GABRB1: variants seen among roughly 807,000 people sequenced by gnomAD.
GABRB1 encodes the protein gamma-aminobutyric acid receptor subunit beta-1.
Under a neutral mutation model 51.6 loss-of-function variants are expected in GABRB1, and 17 were observed. The observed-to-expected ratio is 0.33, with a 90% confidence interval of 0.23 to 0.49. GABRB1 has a LOEUF of 0.49. Among genes scored for constraint, GABRB1 ranks in the 20% least tolerant of loss-of-function variants. The probability of loss-of-function intolerance (pLI) is 0.99; values close to 1 mark genes in which losing one functional copy is unlikely to be tolerated. For synonymous variants in GABRB1, 247 were observed against 218.9 expected, an observed-to-expected ratio of 1.13 and a Z score of -1.14; for missense variants, 410 against 600.6, an observed-to-expected ratio of 0.68 and a Z score of 3.32.
At chr4:47,184,201 ACT>A (rs1479600148) in intron 4 of GABRB1, among the ~76,000 whole-genome samples, 2 of 151,800 alleles carry the variant, frequency 1.3e-5, no homozygotes, top group Admixed American at 6.6e-5. Context: ...TCTGTCTATA[ACT>A]CTGCCAGTCT....
chr4:47,277,911 T>C (rs1723146793), intron 4 of GABRB1, among the ~76,000 whole-genome samples: 1 of 152,112 alleles, frequency 6.6e-6, no homozygotes, highest in Non-Finnish European at 1.5e-5. Flanking sequence ...TTTTCCTTTG[T>C]AATCCTTTCT....
chr4:47,147,441 C>T (rs1232079291), intron 3 of GABRB1, among the ~76,000 whole-genome samples: 2 of 152,064 alleles, frequency 1.3e-5, no homozygotes, highest in Non-Finnish European at 2.9e-5. Context: ...CATTTATTGA[C>T]TTATTCAGCA....
intron 3 of GABRB1, among the ~76,000 whole-genome samples, chr4:47,076,485 C>G (rs906510142): frequency 6.6e-6 from 1 of 152,164 alleles, no homozygotes; most frequent in Non-Finnish European, 1.5e-5. Context: ...GGTGGCCAGA[C>G]CAGATCTCCT....
chr4:47,161,407 G>T lies in GABRB1; in HGVS notation c.399G>T (p.Gly133=), dbSNP rs765889713. The T allele has an allele frequency of 6.2e-7, 1 of 1,612,592 alleles. No homozygotes were observed. The highest frequency in any genetic ancestry group is 8.5e-7 in the Non-Finnish European group (1 of 1,179,148). ...FLNDKKSFVH[G]VTVKNRMIRL... ...ATGACAAGAAATCATTTGTGCATGG[G>T]GTCACAGTGAAAAATCGAATGATTC... The change falls in exon 4 of 9, where the codon GGG becomes GGT. Residue 133 remains glycine, a synonymous_variant. Transcript: ENST00000295454.
chr4:47,041,954 G>A (rs763581858), intron 3 of GABRB1, among the ~76,000 whole-genome samples: 1 of 151,898 alleles, frequency 6.6e-6, no homozygotes, highest in Non-Finnish European at 1.5e-5. Context: ...AATTATACTG[G>A]AGAAAGAATA....
At chr4:47,268,446 T>C (rs1173253733) in intron 4 of GABRB1, among the ~76,000 whole-genome samples, 1 of 152,208 alleles carries the variant, frequency 6.6e-6, no homozygotes, top group Non-Finnish European at 1.5e-5. Context: ...AGGGGATGCT[T>C]TATTTCCTTA....
intron 3 of GABRB1, among the ~76,000 whole-genome samples, chr4:47,106,370 T>C (rs928693193): frequency 2.0e-5 from 3 of 152,026 alleles, no homozygotes; most frequent in Non-Finnish European, 2.9e-5. Flanking sequence ...CATGCCCATC[T>C]TTAACAACAG....
chr4:47,132,270 ATG>A (rs1299024342), intron 3 of GABRB1, among the ~76,000 whole-genome samples: 1 of 152,028 alleles, frequency 6.6e-6, no homozygotes, highest in Non-Finnish European at 1.5e-5. Flanking sequence ...TTTTCTATTG[ATG>A]TGAGAGATAC....
chr4:47,370,020 C>T (rs563364433), intron 5 of GABRB1, among the ~76,000 whole-genome samples: 227 of 151,696 alleles, frequency 1.5e-3, no homozygotes, highest in African/African-American at 5.1e-3. Context: ...TATAAAGATG[C>T]TTCTCTTCAA....
intron 4 of GABRB1, among the ~76,000 whole-genome samples, chr4:47,198,870 C>A (rs1275896453): frequency 6.6e-6 from 1 of 152,104 alleles, no homozygotes; most frequent in African/African-American, 2.4e-5. Context: ...GAAAGAAAGG[C>A]AGATCTTACA....
In GABRB1 at chr4:47,174,273, G is replaced by T. The variant is rs187667242; in HGVS notation, c.461+12804G>T. Among the ~76,000 whole-genome samples, 701 of 152,106 alleles carry T rather than the reference G, an allele frequency of 4.6e-3. 16 individuals are homozygous for T. Among genetic ancestry groups the T allele is most frequent in the Non-Finnish European group, 1.1e-3 (73 of 67,984 alleles). ...TGTTGATATGTGTTCTTCCTATATT[G>T]CCCAAGGTGGCTTAAATGCCTGGCC... is the stretch of plus-strand genomic sequence containing the variant. On this transcript the variant is annotated intron_variant, in intron 4 of 8. Transcript: ENST00000295454.
chr4:47,082,209 T>C (rs1727880018), intron 3 of GABRB1, among the ~76,000 whole-genome samples: 1 of 152,072 alleles, frequency 6.6e-6, no homozygotes, highest in African/African-American at 2.4e-5. Context: ...AGCTCTATTT[T>C]ACAACCAAAA....
At chr4:47,328,396 G>A (rs1190185808) in intron 5 of GABRB1, among the ~76,000 whole-genome samples, 11 of 152,138 alleles carry the variant, frequency 7.2e-5, no homozygotes, top group Admixed American at 7.2e-4. Flanking sequence ...CCATGCCTAT[G>A]TCCTGAATGG....
chr4:47,063,965 G>A (rs943822270), intron 3 of GABRB1, among the ~76,000 whole-genome samples: 4 of 152,082 alleles, frequency 2.6e-5, no homozygotes, highest in African/African-American at 9.7e-5. Context: ...GGGTTGTGAG[G>A]TGCAGCAAAC....
chr4:47,298,768 C>A (rs1257528017), intron 4 of GABRB1, among the ~76,000 whole-genome samples: 1 of 152,286 alleles, frequency 6.6e-6, no homozygotes, highest in South Asian at 2.1e-4. Context: ...CAAAAAAGAA[C>A]CTGCATTGCC....
chr4:47,062,622 A>G (rs1448251792), intron 3 of GABRB1, among the ~76,000 whole-genome samples: 4 of 152,096 alleles, frequency 2.6e-5, no homozygotes, highest in Non-Finnish European at 4.4e-5. Flanking sequence ...TTTCCAATAC[A>G]TTCAAAAGAT....
At chr4:47,225,994 A>G (rs1326594298) in intron 4 of GABRB1, among the ~76,000 whole-genome samples, 1 of 152,176 alleles carries the variant, frequency 6.6e-6, no homozygotes, top group Non-Finnish European at 1.5e-5. Context: ...TCATGACCAG[A>G]TCTACTCCCA....
intron 4 of GABRB1, among the ~76,000 whole-genome samples, chr4:47,179,952 AT>A (rs1478911505): frequency 1.3e-5 from 2 of 152,094 alleles, no homozygotes; most frequent in African/African-American, 4.8e-5. Context: ...TTAAGATAAG[AT>A]TATGCTATTT....
chr4:47,370,152 T>C (rs1280122307), intron 5 of GABRB1, among the ~76,000 whole-genome samples: 2 of 152,128 alleles, frequency 1.3e-5, no homozygotes, highest in Admixed American at 1.3e-4. Flanking sequence ...CAAAAACGGC[T>C]GTTTATAATT....
Sources: gnomAD v4.1 joint callset for allele counts (sites outside exome capture counted in the v4.1 genomes callset) on GRCh38, gnomAD v4.1.1 for gene constraint, MANE v1.5 for transcripts, NCBI Gene and HGNC (gene_info 2026-07-23, HGNC 2026-07-21) for gene names.